UNC45B: variants seen among roughly 807,000 people sequenced by gnomAD.
The protein encoded by UNC45B is unc-45 myosin chaperone B, also known as protein unc-45 homolog B.
A neutral mutation model predicts 98.7 loss-of-function variants in UNC45B; 78 were observed. That is an observed-to-expected ratio of 0.79 (90% CI 0.66 to 0.95). UNC45B has a LOEUF of 0.95. Ranked by LOEUF, UNC45B falls within the 40% of genes least tolerant of loss-of-function variation. The pLI is 0.00. For synonymous variants in UNC45B, 462 were observed against 480.4 expected, an observed-to-expected ratio of 0.96 and a Z score of 0.50; for missense variants, 1,225 against 1,184.9, an observed-to-expected ratio of 1.03 and a Z score of -0.50.
intron 5 of UNC45B, among the ~76,000 whole-genome samples, chr17:35,154,355 A>G (rs1045319684): frequency 2.6e-5 from 4 of 152,278 alleles, no homozygotes; most frequent in Non-Finnish European, 2.9e-5. Context: ...AATGGCTGCA[A>G]TATATTTCAT....
intron 4 of UNC45B, 124 bp from the exon 5 acceptor site, chr17:35,152,769 A>G (rs976730392): frequency 1.3e-5 from 10 of 767,728 alleles, no homozygotes; most frequent in African/African-American, 1.2e-4. Context: ...GAATGAATAC[A>G]TGAATGAACG....
At chr17:35,162,012 C>T (rs532103552) in intron 8 of UNC45B, among the ~76,000 whole-genome samples, 2 of 152,328 alleles carry the variant, frequency 1.3e-5, no homozygotes, top group East Asian at 1.9e-4. Context: ...GGAAGTGCCA[C>T]GCCCCTTGCC....
At chr17:35,170,039 A>G (rs1048505090) in intron 11 of UNC45B, 75 bp from the exon 12 acceptor site, 2 of 1,602,796 alleles carry the variant, frequency 1.2e-6, no homozygotes, top group African/African-American at 1.3e-5. Flanking sequence ...CCCCTGGTTC[A>G]CCACCCTGAA....
In UNC45B at chr17:35,164,186, C is replaced by A; in HGVS notation, c.1151+20C>A. ...TATCACGTAAGTTTCCTGGAGGCCT[C>A]ACAGGGTCAGGCTCTGTCTTGGTTA... On this transcript the variant is annotated intron_variant, in intron 9 of 19. Coordinates refer to ENST00000394570, the MANE Select transcript of UNC45B (RefSeq NM_001267052.2). The A allele has an allele frequency of 1.9e-6, 3 of 1,599,192 alleles. No homozygotes were observed. The highest frequency in any genetic ancestry group is 2.6e-6 in the Non-Finnish European group (3 of 1,171,738).
Position 35,179,740 on chromosome 17 carries a change from G to A in UNC45B, c.2256-819G>A, listed in dbSNP as rs528473114. 1.2e-3 allele frequency among the ~76,000 whole-genome samples: 176 copies of A among 152,114 alleles called. 1 individual carries two copies. Among genetic ancestry groups the A allele is most frequent in the Middle Eastern group, 6.8e-3 (2 of 294 alleles). On this transcript the variant is annotated intron_variant, in intron 17 of 19. Transcript: ENST00000394570. The stretch of plus-strand genomic sequence containing the variant: ...CACAGGGCGGGGAACATCACACACC[G>A]GGGCCTGTTGGGGGTGGGGAGCTGG...
Position 35,183,542 on chromosome 17 carries a change from C to T in UNC45B, c.2489C>T (p.Thr830Ile), listed in dbSNP as rs200244443. The change falls in exon 19 of 20, where the codon ACA (threonine) becomes ATA (isoleucine). Residue 830 changes from threonine (T) to isoleucine (I), a missense_variant. Coordinates refer to ENST00000394570, the MANE Select transcript of UNC45B (RefSeq NM_001267052.2). Reference sequence around the variant, plus strand: ...GCTGCAGGGGCTCTGGCCATGCTGACAGCAGCACACAAGAAACTGTGCCTC... The same window carrying T: ...GCTGCAGGGGCTCTGGCCATGCTGATAGCAGCACACAAGAAACTGTGCCTC... ...NAAAGALAML[T>I]AAHKKLCLKM... The T allele has an allele frequency of 3.1e-6, 5 of 1,594,750 alleles. No homozygotes were observed. Among genetic ancestry groups the T allele is most frequent in the South Asian group, 1.1e-5 (1 of 88,102 alleles).
chr17:35,154,647 C>G lies in UNC45B; in HGVS notation c.545C>G (p.Ala182Gly), dbSNP rs758199129. 4 of 1,613,480 alleles carry G rather than the reference C, an allele frequency of 2.5e-6. No homozygotes were observed. Among genetic ancestry groups the G allele is most frequent in the South Asian group, 2.2e-5 (2 of 90,944 alleles). The change falls in exon 6 of 20, where the codon GCC becomes GGC. Residue 182 changes from alanine to glycine, a missense_variant. Ala to Gly is a moderately conservative substitution (Grantham distance 60, BLOSUM62 0). Coordinates refer to ENST00000394570, the MANE Select transcript of UNC45B (RefSeq NM_001267052.2). ...AAGATCTTCCAGAACAATGGAGTAG[C>G]CTTGCTACTGCAGCTTCTGGACACT... ...AEKIFQNNGV[A>G]LLLQLLDTKK...
chr17:35,178,505 G>A (rs1384734357), intron 17 of UNC45B, among the ~76,000 whole-genome samples: 1 of 151,926 alleles, frequency 6.6e-6, no homozygotes, highest in Non-Finnish European at 1.5e-5. Flanking sequence ...TCATTCTGAT[G>A]ATAGTTTCTT....
intron 14 of UNC45B, among the ~76,000 whole-genome samples, chr17:35,175,089 G>GAAAGAAAGAAAGAA (rs2092222534): frequency 8.5e-6 from 1 of 117,706 alleles, no homozygotes; most frequent in South Asian, 2.7e-4. Context: ...GAAAGAAAGA[G>GAAAGAAAGAAAGAA]AAAGAAAGAA....
chr17:35,156,864 T>C (rs897922267), intron 7 of UNC45B, among the ~76,000 whole-genome samples: 9 of 152,226 alleles, frequency 5.9e-5, no homozygotes, highest in African/African-American at 1.9e-4. Context: ...AGTTATATGT[T>C]TTTTTCTGCA....
At chr17:35,152,127 T>C (rs1178244885) in intron 4 of UNC45B, among the ~76,000 whole-genome samples, 1 of 152,036 alleles carries the variant, frequency 6.6e-6, no homozygotes, top group African/African-American at 2.4e-5. Context: ...ATGCCTGTAA[T>C]CCCAACTACT....
At chr17:35,156,766 T>C (rs2092065293) in intron 7 of UNC45B, among the ~76,000 whole-genome samples, 1 of 152,226 alleles carries the variant, frequency 6.6e-6, no homozygotes, top group South Asian at 2.1e-4. Flanking sequence ...CCCATTCAGG[T>C]AATCACTATT....
rs117321147 is a variant in UNC45B at position 35,177,363 on chromosome 17, A to T, written c.2140-132A>T. The T allele has an allele frequency of 3.2e-3, 2,305 of 730,274 alleles. 39 individuals carry two copies. Among genetic ancestry groups the T allele is most frequent in the East Asian group, 0.031 (1,156 of 36,826 alleles). 45.2% of individuals were successfully genotyped at this position (730,274 alleles called of 1,614,324 possible). ...AAAGAAAATAATCCTGCCTGTCAGG[A>T]TCATTGTGAGGATGAAATCAGACAA... On this transcript the variant is annotated intron_variant, in intron 16 of 19. Transcript: ENST00000394570.
intron 19 of UNC45B, among the ~76,000 whole-genome samples, chr17:35,184,686 T>A (rs2092293185): frequency 6.6e-6 from 1 of 152,190 alleles, no homozygotes; most frequent in Non-Finnish European, 1.5e-5. Flanking sequence ...GAAAAGCAAC[T>A]AGCCCAAGGC....
intron 15 of UNC45B, among the ~76,000 whole-genome samples, chr17:35,176,613 G>A (rs2092235659): frequency 6.6e-6 from 1 of 152,142 alleles, no homozygotes; most frequent in Non-Finnish European, 1.5e-5. Flanking sequence ...CCAGGAGGAG[G>A]AGGTTGCAAT....
At chr17:35,157,072 AC>A (rs202186457) in intron 7 of UNC45B, among the ~76,000 whole-genome samples, 12,635 of 152,116 alleles carry the variant, frequency 0.083, 693 homozygotes, top group East Asian at 0.18. Context: ...CACTCAGAAA[AC>A]TTTATTTTCA....
Position 35,187,146 on chromosome 17 carries a change from G to C in UNC45B, c.*587G>C, listed in dbSNP as rs1190918517. ...GGGCATGACCTCTGCAATTTGCTTG[G>C]GAAAGTCTTCCAAGCAAGATGGACA... On this transcript the variant is annotated 3_prime_UTR_variant, in exon 20 of 20. Coordinates refer to ENST00000394570, the MANE Select transcript of UNC45B (RefSeq NM_001267052.2). The C allele has an allele frequency of 6.5e-6, 1 of 152,762 alleles. No homozygotes were observed. The highest frequency in any genetic ancestry group is 2.4e-5 in the African/African-American group (1 of 41,410). 9.5% of individuals were successfully genotyped at this position (152,762 alleles called of 1,614,324 possible). A position where few individuals can be genotyped will look rare whatever the true frequency, so the allele number is the denominator to read the frequency against.
chr17:35,167,941 A>G (rs1567761194), intron 9 of UNC45B, 120 bp from the exon 10 acceptor site: 1 of 959,526 alleles, frequency 1.0e-6, no homozygotes, highest in African/African-American at 1.7e-5. Flanking sequence ...ATTGCCCAAT[A>G]TCACACAGCA....
rs761889840 is a variant in UNC45B, at chr17:35,171,454, C to A, written c.1822C>A (p.His608Asn). Residue 608 changes from histidine (H) to asparagine (N), a missense_variant, in exon 13 of 20, where the codon CAC becomes AAC. Transcript: ENST00000394570. ...KFSKQHVPEE[H>N]PKDKKDFIDM... ...CTCCAAGCAGCATGTGCCCGAGGAA[C>A]ACCCCAAGGTAGGGTCAGGCGCGAC... 1.2e-6 allele frequency: 2 copies of A among 1,614,074 alleles called. 1 individual carries two copies.
Sources: gnomAD v4.1 joint callset for allele counts (sites outside exome capture counted in the v4.1 genomes callset) on GRCh38, gnomAD v4.1.1 for gene constraint, MANE v1.5 for transcripts, NCBI Gene and HGNC (gene_info 2026-07-23, HGNC 2026-07-21) for gene names.